The following NME7 variants were observed in gnomAD, a reference collection of about 807,000 sequenced individuals.
The protein encoded by NME7 is nucleoside diphosphate kinase 7.
NME7 carries 41 observed loss-of-function variants against 49.1 expected under a neutral mutation model. The ratio of observed to expected loss-of-function variants is 0.83; its 90% CI spans 0.65 to 1.08. The LOEUF (loss-of-function observed/expected upper bound fraction) is 1.08. Ranked by LOEUF, NME7 falls within the 50% of genes least tolerant of loss-of-function variation. The pLI is 0.00. For missense variants in NME7, 423 were observed against 463.4 expected, an observed-to-expected ratio of 0.91 and a Z score of 0.80; for synonymous variants, 139 against 150.6, an observed-to-expected ratio of 0.92 and a Z score of 0.56.
intron 10 of NME7, among the ~76,000 whole-genome samples, chr1:169,169,991 G>A (rs1237076135): frequency 6.6e-6 from 1 of 152,150 alleles, no homozygotes; most frequent in Non-Finnish European, 1.5e-5. Flanking sequence ...AGAGAGGCAA[G>A]GGAATGATAA....
intron 10 of NME7, among the ~76,000 whole-genome samples, chr1:169,219,456 G>T (rs4385775): frequency 0.38 from 57,367 of 151,982 alleles, 11,544 homozygotes; most frequent in East Asian, 0.79. Flanking sequence ...TTAACTATGC[G>T]CAGATTTTGG....
At chr1:169,329,048 G>T (rs1652166062) in intron 1 of NME7, among the ~76,000 whole-genome samples, 1 of 151,962 alleles carries the variant, frequency 6.6e-6, no homozygotes, top group Non-Finnish European at 1.5e-5. Context: ...AACCAAATAA[G>T]GCACAAGGGA....
intron 1 of NME7, among the ~76,000 whole-genome samples, chr1:169,330,103 T>A (rs1214296702): frequency 6.6e-6 from 1 of 151,698 alleles, no homozygotes; most frequent in Non-Finnish European, 1.5e-5. Flanking sequence ...TAAAATATCC[T>A]TCAAACATCA....
At chr1:169,142,864 G>T (rs1658638994) in intron 11 of NME7, among the ~76,000 whole-genome samples, 1 of 152,152 alleles carries the variant, frequency 6.6e-6, no homozygotes, top group East Asian at 1.9e-4. Context: ...AGTGGTTAAG[G>T]ATTGGAGCTG....
chr1:169,358,364 A>G (rs1173154530), intron 1 of NME7, among the ~76,000 whole-genome samples: 1 of 152,106 alleles, frequency 6.6e-6, no homozygotes, highest in Non-Finnish European at 1.5e-5. Context: ...ACTATCCAAA[A>G]AGATTACATA....
At chr1:169,149,304 G>A (rs1407033432) in intron 11 of NME7, among the ~76,000 whole-genome samples, 1 of 152,104 alleles carries the variant, frequency 6.6e-6, no homozygotes, top group East Asian at 1.9e-4. Context: ...TCCTGCCACT[G>A]CACTCCAGCC....
At chr1:169,363,843 C>T (rs1653751601) in intron 1 of NME7, among the ~76,000 whole-genome samples, 1 of 152,192 alleles carries the variant, frequency 6.6e-6, no homozygotes, top group Non-Finnish European at 1.5e-5. Flanking sequence ...GAGCCCCAGC[C>T]TGCAATCCCG....
chr1:169,241,479 T>A (rs1362909301), intron 7 of NME7, among the ~76,000 whole-genome samples: 1 of 152,172 alleles, frequency 6.6e-6, no homozygotes, highest in South Asian at 2.1e-4. Flanking sequence ...ATATTAACCC[T>A]AATCTAAATA....
At chr1:169,184,786 G>A (rs376711870) in intron 10 of NME7, among the ~76,000 whole-genome samples, 18 of 152,190 alleles carry the variant, frequency 1.2e-4, no homozygotes, top group African/African-American at 3.6e-4. Context: ...ATAAACAGTC[G>A]GTGATGTGCT....
chr1:169,348,720 T>C (rs1188876271), intron 1 of NME7, among the ~76,000 whole-genome samples: 1 of 152,160 alleles, frequency 6.6e-6, no homozygotes, highest in Non-Finnish European at 1.5e-5. Flanking sequence ...CCCTCAATTT[T>C]AGCCCTGTAG....
chr1:169,135,779 C>CT (rs1658410127), intron 11 of NME7, among the ~76,000 whole-genome samples: 2 of 152,090 alleles, frequency 1.3e-5, no homozygotes, highest in Admixed American at 1.3e-4. Context: ...CTTTAATTCT[C>CT]TATTTTTCTC....
chr1:169,171,571 T>A (rs564674305), intron 10 of NME7, among the ~76,000 whole-genome samples: 2 of 152,276 alleles, frequency 1.3e-5, no homozygotes, highest in East Asian at 1.9e-4. Flanking sequence ...GAGACCAGCC[T>A]GATCAACATG....
intron 1 of NME7, among the ~76,000 whole-genome samples, chr1:169,353,708 A>C (rs1415934276): frequency 3.3e-5 from 5 of 152,164 alleles, no homozygotes; most frequent in African/African-American, 1.2e-4. Flanking sequence ...TACAGGAAAA[A>C]AAATCTAATA....
At chr1:169,341,965 G>A in intron 1 of NME7, among the ~76,000 whole-genome samples, 1 of 152,166 alleles carries the variant, frequency 6.6e-6, no homozygotes, top group African/African-American at 2.4e-5. Flanking sequence ...CCTTGTCTCA[G>A]ATGAGACTTT....
chr1:169,281,593 C>G (rs1650018989), intron 7 of NME7, among the ~76,000 whole-genome samples: 1 of 152,118 alleles, frequency 6.6e-6, no homozygotes, highest in African/African-American at 2.4e-5. Flanking sequence ...GTGGGTTTGT[C>G]ATAAATCGCT....
chr1:169,327,428 T>C (rs12029800), intron 1 of NME7, among the ~76,000 whole-genome samples: 12,606 of 152,284 alleles, frequency 0.083, 709 homozygotes, highest in Admixed American at 0.19. Flanking sequence ...TCACACTTTG[T>C]TCCAGAAATC....
chr1:169,350,138 C>A, intron 1 of NME7, among the ~76,000 whole-genome samples: 1 of 146,136 alleles, frequency 6.8e-6, no homozygotes, highest in African/African-American at 2.5e-5. Context: ...GTTGCAGTGA[C>A]CCAAGATCGT....
intron 7 of NME7, among the ~76,000 whole-genome samples, chr1:169,238,055 A>C (rs895099572): frequency 2.0e-5 from 3 of 152,072 alleles, no homozygotes; most frequent in African/African-American, 7.2e-5. Context: ...ATACAGAAGG[A>C]ATTCAAACAA....
intron 10 of NME7, among the ~76,000 whole-genome samples, chr1:169,212,284 ATTAT>A (rs1278090090): frequency 1.3e-5 from 2 of 152,126 alleles, no homozygotes; most frequent in African/African-American, 4.8e-5. Context: ...TACTTAATAA[ATTAT>A]TTAATAAATT....
Sources: allele counts gnomAD v4.1 joint callset (sites outside exome capture counted in the v4.1 genomes callset), GRCh38; gene constraint gnomAD v4.1.1; transcripts MANE v1.5; gene names NCBI Gene and HGNC (gene_info 2026-07-23, HGNC 2026-07-21).